KIAA0319: variants seen among roughly 807,000 people sequenced by gnomAD.
The protein encoded by KIAA0319 is dyslexia-associated protein KIAA0319.
In KIAA0319, 83 loss-of-function variants were observed where a neutral mutation model predicts 108.4. That is an observed-to-expected ratio of 0.77 (90% CI 0.64 to 0.92). The LOEUF (loss-of-function observed/expected upper bound fraction) is 0.92, where lower values mean the gene tolerates loss of function less well. KIAA0319 is among the 40% of genes least tolerant of loss of function. The pLI is 0.00. For synonymous variants in KIAA0319, 484 were observed against 510.4 expected (o/e 0.95, Z 0.70); for missense variants, 1,195 against 1,322.4 (o/e 0.90, Z 1.49).
chr6:24,548,641 C>T (rs770273256), intron 20 of KIAA0319, among the ~76,000 whole-genome samples: 1 of 151,870 alleles, frequency 6.6e-6, no homozygotes, highest in Non-Finnish European at 1.5e-5. Flanking sequence ...GACAAGAGGA[C>T]GGGGAAGGTC....
At chr6:24,579,786 T>C (rs1037842791) in intron 8 of KIAA0319, 72 bp downstream of exon 8, 4 of 1,215,228 alleles carry the variant, frequency 3.3e-6, no homozygotes, top group Non-Finnish European at 4.7e-6. Context: ...CTAGCTTTGA[T>C]GCAGAGCACT....
chr6:24,588,829 C>A (rs1484094434), intron 3 of KIAA0319, 44 bp from the exon 4 acceptor site: 7 of 1,416,146 alleles, frequency 4.9e-6, no homozygotes, highest in African/African-American at 1.4e-5. Flanking sequence ...AAAAAAAAAA[C>A]AGTCCAACTC....
intron 11 of KIAA0319, among the ~76,000 whole-genome samples, chr6:24,571,194 G>A (rs62400524): frequency 1.4e-5 from 2 of 146,926 alleles, no homozygotes; most frequent in Non-Finnish European, 3.0e-5. Context: ...TCTGTCTCGA[G>A]GGAAAAAAAA....
chr6:24,572,435 C>A (rs1485378567), intron 11 of KIAA0319, 140 bp downstream of exon 11: 13 of 911,504 alleles, frequency 1.4e-5, no homozygotes, highest in Non-Finnish European at 2.1e-5. Context: ...AGATTTAGAA[C>A]CTTGAAATGA....
downstream of KIAA0319, among the ~76,000 whole-genome samples, chr6:24,541,275 A>G (rs9461037): frequency 8.1e-3 from 1,237 of 152,206 alleles, 13 homozygotes; most frequent in African/African-American, 0.028. Flanking sequence ...CCTTCTTGCC[A>G]TGTCCTCCCA....
At chr6:24,572,540 A>C in intron 11 of KIAA0319, 35 bp downstream of exon 11, 1 of 1,601,842 alleles carries the variant, frequency 6.2e-7, no homozygotes, top group Non-Finnish European at 8.5e-7. Context: ...TTCTGCTTTA[A>C]TCTCTGAGGC....
rs1367572298 is a variant in KIAA0319, at chr6:24,544,576, G to A, written c.*2589C>T. Reference sequence around the variant, plus strand: ...TTCTTACCTTGCTGCATGTTTTTCAGATAGTTCCTTAGTCATACACATGCT... The same window carrying A: ...TTCTTACCTTGCTGCATGTTTTTCAAATAGTTCCTTAGTCATACACATGCT... On this transcript the variant is annotated 3_prime_UTR_variant, in exon 21 of 21. Transcript: ENST00000378214. 1 of 152,146 alleles carries A rather than the reference G, an allele frequency of 6.6e-6. No homozygotes were observed. Among genetic ancestry groups the A allele is most frequent in the Non-Finnish European group, 1.5e-5 (1 of 68,038 alleles). 9.4% of individuals were successfully genotyped at this position (152,146 alleles called of 1,614,324 possible).
Position 24,588,717 on chromosome 6 carries a change from G to A in KIAA0319, c.870C>T (p.Ser290=), listed in dbSNP as rs1395071005. ...LELSSVTVEK[S]PVLTVTPGST... ...TCCCCGGGGTGACTGTGAGCACTGG[G>A]CTTTTCTCCACGGTGACTGAGCTGA... Residue 290 remains serine, a synonymous_variant, in exon 4 of 21, where the codon AGC becomes AGT. Coordinates refer to ENST00000378214, the MANE Select transcript of KIAA0319 (RefSeq NM_014809.4). 2 of 1,613,974 alleles carry A rather than the reference G, an allele frequency of 1.2e-6. No homozygotes were observed. Among genetic ancestry groups the A allele is most frequent in the Admixed American group, 3.3e-5 (2 of 59,994 alleles).
At chr6:24,572,512 C>G in intron 11 of KIAA0319, 63 bp downstream of exon 11, 1 of 1,575,806 alleles carries the variant, frequency 6.3e-7, no homozygotes, top group Non-Finnish European at 8.6e-7. Context: ...CTCCAAACCC[C>G]AGAAGCCCAG....
rs200551990 is a variant in KIAA0319 at position 24,596,149 on chromosome 6, C to T, written c.525G>A (p.Glu175=). The change falls in exon 3 of 21, where the codon GAG becomes GAA. Residue 175 remains glutamate (E), a synonymous_variant. Coordinates refer to ENST00000378214, the MANE Select transcript of KIAA0319 (RefSeq NM_014809.4). ...CCGTGTACTCGGCACTCCCTCTGGG[C>T]TCCTGCTTGCCACTGGGTTGCAAGA... ...KDLLQPSGKQ[E]PRGSAEYTDW... 1.2e-6 allele frequency: 2 copies of T among 1,614,152 alleles called. No individual in the cohort carries two copies. Among genetic ancestry groups the T allele is most frequent in the South Asian group, 1.1e-5 (1 of 91,080 alleles).
At chr6:24,638,053 T>C (rs1396939931) in intron 1 of KIAA0319, among the ~76,000 whole-genome samples, 1 of 152,130 alleles carries the variant, frequency 6.6e-6, no homozygotes, top group African/African-American at 2.4e-5. Context: ...CTTTAAAATA[T>C]GTAATACATA....
At chr6:24,638,972 T>C (rs1040320361) in intron 1 of KIAA0319, among the ~76,000 whole-genome samples, 17 of 152,200 alleles carry the variant, frequency 1.1e-4, no homozygotes, top group African/African-American at 4.1e-4. Context: ...AGGTGATGGA[T>C]AGGTTCATTA....
rs565580105 is a variant in KIAA0319 at position 24,560,075 on chromosome 6, A to G, written c.2592-920T>C. Among the ~76,000 whole-genome samples, 7 of 152,314 alleles carry G rather than the reference A, an allele frequency of 4.6e-5. No homozygotes were observed. The East Asian group carries it at 1.3e-3, about 29-fold the overall frequency. On this transcript the variant is annotated intron_variant, in intron 16 of 20. Transcript: ENST00000378214. The stretch of plus-strand genomic sequence containing the variant: ...TTGCCAAATGATATTCTGTTGTATG[A>G]ATATATCACATTTTGTATCCACTCA...
rs73727343 is a variant in KIAA0319 at position 24,596,205 on chromosome 6, A to C, written c.469T>G (p.Ser157Ala). Reference protein sequence around the residue: ...DWGLEEMSEYSDDYRELEKDL... With the variant: ...DWGLEEMSEYADDYRELEKDL... ...TTCTCCAGCTCCCGGTAGTCATCTG[A>C]GTACTCAGACATCTCCTCTAGGCCC... Residue 157 changes from serine (S) to alanine (A), a missense_variant, in exon 3 of 21, where the codon TCA (serine) becomes GCA (alanine). Coordinates refer to ENST00000378214, the MANE Select transcript of KIAA0319 (RefSeq NM_014809.4). The C allele has an allele frequency of 4.1e-3, 6,596 of 1,614,130 alleles. 211 individuals carry two copies. The African/African-American group carries it at 0.074, about 18-fold the overall frequency.
intron 1 of KIAA0319, among the ~76,000 whole-genome samples, chr6:24,626,640 A>T (rs1209136711): frequency 6.6e-6 from 1 of 152,244 alleles, no homozygotes; most frequent in Non-Finnish European, 1.5e-5. Flanking sequence ...TGATATGGGA[A>T]ATATATCTCA....
chr6:24,603,079 T>G (rs1770884154), intron 1 of KIAA0319, among the ~76,000 whole-genome samples: 1 of 152,260 alleles, frequency 6.6e-6, no homozygotes, highest in Non-Finnish European at 1.5e-5. Flanking sequence ...TGGTAAATCT[T>G]GGCTTAATTG....
intron 1 of KIAA0319, among the ~76,000 whole-genome samples, chr6:24,635,381 G>C (rs371732984): frequency 6.6e-6 from 1 of 152,184 alleles, no homozygotes; most frequent in South Asian, 2.1e-4. Context: ...TGGGATTACA[G>C]ACATGAGCCA....
intron 1 of KIAA0319, among the ~76,000 whole-genome samples, chr6:24,644,921 A>G (rs1401808550): frequency 6.6e-6 from 1 of 152,156 alleles, no homozygotes; most frequent in Non-Finnish European, 1.5e-5. Flanking sequence ...AGTTTTCCTC[A>G]TCTGAATTAA....
In KIAA0319 at chr6:24,601,175, G is replaced by C; in HGVS notation, c.-72C>G. 6.3e-7 allele frequency: 1 copy of C among 1,580,484 alleles called. No homozygotes were observed. The highest frequency in any genetic ancestry group is 1.2e-5 in the South Asian group (1 of 85,488). On this transcript the variant is annotated 5_prime_UTR_variant, in exon 2 of 21. It adds an upstream start codon to the 5' untranslated region. Coordinates refer to ENST00000378214, the MANE Select transcript of KIAA0319 (RefSeq NM_014809.4). ...AGAGAGTTTGGTGCAAGCTTCCTTT[G>C]ATGTTTTTTAGGAGCCAGATTTGGC...
Sources: gnomAD v4.1 joint callset for allele counts (sites outside exome capture counted in the v4.1 genomes callset) on GRCh38, gnomAD v4.1.1 for gene constraint, MANE v1.5 for transcripts, NCBI Gene and HGNC (gene_info 2026-07-23, HGNC 2026-07-21) for gene names.